Variants in BRINP1 observed in about 807,000 individuals in gnomAD.
The protein encoded by BRINP1 is BMP/retinoic acid-inducible neural-specific protein 1.
Under a neutral mutation model 72.9 loss-of-function variants are expected in BRINP1, and 17 were observed. The ratio of observed to expected loss-of-function variants is 0.23; its 90% confidence interval spans 0.16 to 0.35. The LOEUF (loss-of-function observed/expected upper bound fraction) is 0.35. Ranked by LOEUF, BRINP1 falls within the 10% of genes least tolerant of loss-of-function variation. BRINP1 has a pLI of 1.00. For missense variants in BRINP1, 850 were observed against 1,001.6 expected, an observed-to-expected ratio of 0.85 and a Z score of 2.04; for synonymous variants, 418 against 378.5, an observed-to-expected ratio of 1.10 and a Z score of -1.21.
chr9:119,301,444 T>C (rs1328887678), intron 2 of BRINP1, among the ~76,000 whole-genome samples: 3 of 152,210 alleles, frequency 2.0e-5, no homozygotes, highest in Non-Finnish European at 4.4e-5. Flanking sequence ...ATTTACATAA[T>C]ATTTTGAAAG....
chr9:119,262,119 A>T (rs559827000), intron 2 of BRINP1, among the ~76,000 whole-genome samples: 1 of 152,324 alleles, frequency 6.6e-6, no homozygotes, highest in African/African-American at 2.4e-5. Flanking sequence ...TTACAGATGA[A>T]GAAACTTAAG....
intron 5 of BRINP1, among the ~76,000 whole-genome samples, chr9:119,219,691 GAGAGAA>G (rs1284042480): frequency 3.1e-4 from 36 of 115,178 alleles, no homozygotes; most frequent in African/African-American, 9.4e-4. Flanking sequence ...GAGAGAGAGA[GAGAGAA>G]AGAGATGTAA....
At chr9:119,306,133 C>A (rs971561490) in intron 2 of BRINP1, among the ~76,000 whole-genome samples, 1 of 152,176 alleles carries the variant, frequency 6.6e-6, no homozygotes, top group Admixed American at 6.5e-5. Flanking sequence ...CTGCTCGTGA[C>A]AAAAGCTGGA....
At chr9:119,267,323 T>G (rs1245321194) in intron 2 of BRINP1, among the ~76,000 whole-genome samples, 1 of 152,066 alleles carries the variant, frequency 6.6e-6, no homozygotes, top group Non-Finnish European at 1.5e-5. Context: ...ATCCAGACTT[T>G]GACATGATAC....
intron 7 of BRINP1, among the ~76,000 whole-genome samples, chr9:119,206,440 A>AAG (rs545494576): frequency 6.2e-4 from 87 of 141,322 alleles, no homozygotes; most frequent in Admixed American, 9.2e-4. Flanking sequence ...AAAAAAAAAA[A>AAG]AGAGAGAGAG....
intron 2 of BRINP1, among the ~76,000 whole-genome samples, chr9:119,290,995 C>A (rs1830815857): frequency 1.3e-5 from 2 of 151,876 alleles, no homozygotes; most frequent in Admixed American, 1.3e-4. Context: ...TGGTGGCAGG[C>A]ACCTGTAATC....
At chr9:119,220,459 C>T (rs1461653195) in intron 5 of BRINP1, among the ~76,000 whole-genome samples, 1 of 152,144 alleles carries the variant, frequency 6.6e-6, no homozygotes, top group Non-Finnish European at 1.5e-5. Context: ...CAATCTTCAT[C>T]GCTGACTTTG....
chr9:119,206,078 C>A (rs900235599), intron 7 of BRINP1, among the ~76,000 whole-genome samples: 1 of 152,006 alleles, frequency 6.6e-6, no homozygotes, highest in Non-Finnish European at 1.5e-5. Context: ...AACATGAGGC[C>A]ATTTAGGTCA....
intron 2 of BRINP1, among the ~76,000 whole-genome samples, chr9:119,278,858 G>A (rs965232542): frequency 2.6e-5 from 4 of 152,082 alleles, no homozygotes; most frequent in South Asian, 4.1e-4. Context: ...ACTGCACTCC[G>A]ACATGGTAAC....
intron 4 of BRINP1, 34 bp downstream of exon 4, chr9:119,242,013 G>C: frequency 6.2e-7 from 1 of 1,603,554 alleles, no homozygotes; most frequent in Non-Finnish European, 8.5e-7. Context: ...GTTGTATTGA[G>C]AACCTGTCGC....
intron 7 of BRINP1, among the ~76,000 whole-genome samples, chr9:119,193,834 C>G (rs567003589): frequency 6.6e-6 from 1 of 152,326 alleles, no homozygotes; most frequent in South Asian, 2.1e-4. Context: ...CCCCTTGAAT[C>G]TGGGAAGATC....
intron 1 of BRINP1, among the ~76,000 whole-genome samples, chr9:119,316,180 G>A (rs1037407890): frequency 5.9e-5 from 9 of 152,104 alleles, no homozygotes; most frequent in African/African-American, 9.7e-5. Context: ...TCCACCTCCC[G>A]GGTTCAAGCA....
At chr9:119,242,313 A>G in intron 3 of BRINP1, 97 bp from the exon 4 acceptor site, 1 of 977,778 alleles carries the variant, frequency 1.0e-6, no homozygotes, top group Non-Finnish European at 1.5e-6. Flanking sequence ...TTAAATCTCC[A>G]ACCAATGTGG....
intron 2 of BRINP1, among the ~76,000 whole-genome samples, chr9:119,266,946 C>T (rs1209912818): frequency 6.6e-6 from 1 of 152,158 alleles, no homozygotes; most frequent in East Asian, 1.9e-4. Flanking sequence ...AGAAGGATCA[C>T]TCCGGCTGCT....
intron 2 of BRINP1, among the ~76,000 whole-genome samples, chr9:119,293,115 A>AT (rs1328059294): frequency 6.6e-6 from 1 of 152,166 alleles, no homozygotes; most frequent in Non-Finnish European, 1.5e-5. Context: ...ATGGCTTCTT[A>AT]TGAAAGCCCA....
chr9:119,214,118 C>T lies in BRINP1; in HGVS notation c.723G>A (p.Lys241=). ...QIIFPQYLQE[K]FVQSALSYIM... is the part of the protein sequence containing the mutation. ...TATAGCTCAAGGCCGACTGGACAAA[C>T]TTCTCTTGCAGATACTGAGGAAAGA... The change falls in exon 6 of 8, where the codon AAG becomes AAA. Residue 241 remains lysine, a synonymous_variant. Transcript: ENST00000265922. 1 of 1,614,158 alleles carries T rather than the reference C, an allele frequency of 6.2e-7. No individual in the cohort carries two copies. The highest frequency in any genetic ancestry group is 8.5e-7 in the Non-Finnish European group (1 of 1,179,992).
chr9:119,225,926 C>T (rs1007259169), intron 5 of BRINP1, among the ~76,000 whole-genome samples: 10 of 152,016 alleles, frequency 6.6e-5, no homozygotes, highest in African/African-American at 1.9e-4. Context: ...CAAATCGATT[C>T]GACAGTTCAA....
At chr9:119,307,618 G>C (rs1169625407) in intron 2 of BRINP1, among the ~76,000 whole-genome samples, 1 of 152,200 alleles carries the variant, frequency 6.6e-6, no homozygotes, top group Non-Finnish European at 1.5e-5. Flanking sequence ...CAGTTAACCA[G>C]TTACTCAAAA....
intron 7 of BRINP1, among the ~76,000 whole-genome samples, chr9:119,185,675 C>G (rs757048821): frequency 1.3e-5 from 2 of 152,164 alleles, no homozygotes; most frequent in Non-Finnish European, 2.9e-5. Flanking sequence ...AACAAAACAT[C>G]TTGTCTCTGC....
Sources: gnomAD v4.1 joint callset for allele counts (sites outside exome capture counted in the v4.1 genomes callset) on GRCh38, gnomAD v4.1.1 for gene constraint, MANE v1.5 for transcripts, NCBI Gene and HGNC (gene_info 2026-07-23, HGNC 2026-07-21) for gene names.